The following FRMD1 variants were observed in gnomAD, a reference collection of about 807,000 sequenced individuals.
FRMD1 encodes FERM domain containing 1.
FRMD1 carries 51 observed loss-of-function variants against 54.9 expected under a neutral mutation model. The observed-to-expected ratio is 0.93, with a 90% CI of 0.74 to 1.17. FRMD1 has a LOEUF of 1.17. Among genes scored for constraint, FRMD1 ranks in the 50% most tolerant of loss-of-function variants. The pLI is 0.00. For missense variants in FRMD1, 729 were observed against 743.0 expected, an observed-to-expected ratio of 0.98 and a Z score of 0.22; for synonymous variants, 324 against 306.4, an observed-to-expected ratio of 1.06 and a Z score of -0.60.
chr6:168,081,080 C>A (rs760882582), upstream of FRMD1, among the ~76,000 whole-genome samples: 1 of 152,198 alleles, frequency 6.6e-6, no homozygotes, highest in Non-Finnish European at 1.5e-5. Context: ...AGGGCCACAC[C>A]GTTGAGGTTC....
At chr6:168,062,821 A>G (rs1799821535) in intron 7 of FRMD1, 73 bp downstream of exon 7, 5 of 1,604,262 alleles carry the variant, frequency 3.1e-6, no homozygotes. Context: ...CACAGCCCAG[A>G]CTCCAGTGGG....
intron 1 of FRMD1, chr6:168,075,799 A>G: frequency 6.5e-7 from 1 of 1,550,234 alleles, no homozygotes; most frequent in Non-Finnish European, 8.7e-7. Flanking sequence ...TGAGCCTCTC[A>G]CGGCAGCCTC....
At position 168,056,209 on chromosome 6, in the gene FRMD1, A is replaced by C. The variant is rs1799393847; in HGVS notation, c.*888T>G. ...CCTGGTGGCCTTCCAGAGCCCACAGAACCGAGGTCGCACTACCCGTGGAGC... is the reference window on the plus strand; with the variant it reads ...CCTGGTGGCCTTCCAGAGCCCACAGCACCGAGGTCGCACTACCCGTGGAGC... On this transcript the variant is annotated 3_prime_UTR_variant, in exon 11 of 11. Transcript: ENST00000283309. 1 of 152,446 alleles carries C rather than the reference A, an allele frequency of 6.6e-6. No homozygotes were observed. The highest frequency in any genetic ancestry group is 1.5e-5 in the Non-Finnish European group (1 of 68,208). The allele number at this position is 152,446 out of a possible 1,614,324, so 9.4% of individuals were successfully genotyped here.
upstream of FRMD1, among the ~76,000 whole-genome samples, chr6:168,080,178 C>T (rs1005570086): frequency 1.1e-4 from 16 of 152,046 alleles, no homozygotes; most frequent in South Asian, 1.2e-3. Flanking sequence ...TTAGGAAATT[C>T]GCACTCCAGC....
At position 168,075,327 on chromosome 6, in the gene FRMD1, A is replaced by G; in HGVS notation, c.222T>C (p.Ala74=). 1 of 1,612,782 alleles carries G rather than the reference A, an allele frequency of 6.2e-7. No homozygotes were observed. Among genetic ancestry groups the G allele is most frequent in the Non-Finnish European group, 8.5e-7 (1 of 1,179,936 alleles). ...CTTGCTGGAAAAGCTCGCGGCCAGT[A>G]GCCTTCACCTGCAAAAGAGGTGGGG... The part of the protein sequence containing the change: ...EQLRLAVGVK[A]TGRELFQQVC... Residue 74 remains alanine, a synonymous_variant, in exon 2 of 11, where the codon GCT becomes GCC. Coordinates refer to ENST00000283309, the MANE Select transcript of FRMD1 (RefSeq NM_024919.6).
At chr6:168,078,543 C>CAGCCG (rs1800693338) in intron 1 of FRMD1, among the ~76,000 whole-genome samples, 1 of 148,106 alleles carries the variant, frequency 6.8e-6, no homozygotes, top group East Asian at 2.0e-4. Context: ...CCCCCACGGC[C>CAGCCG]CTGCTCACCC....
At position 168,065,251 on chromosome 6, in the gene FRMD1, G is replaced by A. The variant is rs41266309; in HGVS notation, c.462-194C>T. The A allele has an allele frequency of 2.5e-4, 330 of 1,341,054 alleles. 1 individual carries two copies. Among genetic ancestry groups the A allele is most frequent in the Non-Finnish European group, 2.9e-4 (309 of 1,048,886 alleles). The allele number at this position is 1,341,054 out of a possible 1,614,324, so 83.1% of individuals were successfully genotyped here. On this transcript the variant is annotated intron_variant, in intron 4 of 10. Transcript: ENST00000283309. Reference sequence around the variant, plus strand: ...CACAGGCCCACACTCTTCCTGGAGCGGGGCACAGGTGACTTGCTGCCACCA... The same window carrying A: ...CACAGGCCCACACTCTTCCTGGAGCAGGGCACAGGTGACTTGCTGCCACCA...
chr6:168,062,803 G>A (rs902008540), intron 7 of FRMD1, 91 bp downstream of exon 7: 3 of 1,605,964 alleles, frequency 1.9e-6, no homozygotes, highest in African/African-American at 2.7e-5. Context: ...ACCGCTGCAG[G>A]GATGCTACAC....
intron 2 of FRMD1, among the ~76,000 whole-genome samples, chr6:168,069,073 G>C (rs1303536068): frequency 6.6e-6 from 1 of 152,196 alleles, no homozygotes; most frequent in East Asian, 1.9e-4. Context: ...TTAGACACTG[G>C]GTGCCATGCT....
At chr6:168,066,531 A>T (rs532193614) in intron 4 of FRMD1, 1 of 1,283,698 alleles carries the variant, frequency 7.8e-7, no homozygotes, top group African/African-American at 1.5e-5. Context: ...AAAGAAAAAG[A>T]AAAGAAAAAG....
intron 10 of FRMD1, among the ~76,000 whole-genome samples, 153 bp downstream of exon 10, chr6:168,058,971 C>T (rs535699388): frequency 1.3e-5 from 2 of 152,330 alleles, no homozygotes; most frequent in East Asian, 3.9e-4. Context: ...GAGAGCCTTG[C>T]TGCTCCCTGA....
chr6:168,067,741 C>T (rs1583186803), intron 2 of FRMD1, among the ~76,000 whole-genome samples: 1 of 152,244 alleles, frequency 6.6e-6, no homozygotes, highest in South Asian at 2.1e-4. Flanking sequence ...AGCAACTTAG[C>T]AACATGTATC....
chr6:168,065,531 A>G, intron 4 of FRMD1: 1 of 988,304 alleles, frequency 1.0e-6, no homozygotes, highest in Non-Finnish European at 1.2e-6. Flanking sequence ...CTCGCCCAAG[A>G]TGCAGGTGCA....
chr6:168,091,160 G>A (rs149059122), intron 1 of FRMD1, among the ~76,000 whole-genome samples: 2 of 152,208 alleles, frequency 1.3e-5, no homozygotes, highest in African/African-American at 4.8e-5. Flanking sequence ...CCTTCTTCCT[G>A]GTTCCACCCA....
intron 2 of FRMD1, among the ~76,000 whole-genome samples, chr6:168,072,632 A>G (rs1199371547): frequency 6.6e-6 from 1 of 152,198 alleles, no homozygotes; most frequent in African/African-American, 2.4e-5. Flanking sequence ...CATGATGCAC[A>G]ACCAAAGCGA....
chr6:168,074,129 G>A (rs537271624), intron 2 of FRMD1, among the ~76,000 whole-genome samples: 1 of 152,174 alleles, frequency 6.6e-6, no homozygotes, highest in South Asian at 2.1e-4. Flanking sequence ...ACTTCCTGGG[G>A]CAGCAAAAAG....
intron 10 of FRMD1, among the ~76,000 whole-genome samples, chr6:168,058,833 C>T (rs1011401968): frequency 1.3e-5 from 2 of 152,128 alleles, no homozygotes; most frequent in Non-Finnish European, 2.9e-5. Flanking sequence ...GTCCTGCCTA[C>T]AGTGGCCCGG....
At chr6:168,071,801 C>T (rs1026512982) in intron 2 of FRMD1, among the ~76,000 whole-genome samples, 2 of 152,218 alleles carry the variant, frequency 1.3e-5, no homozygotes, top group South Asian at 4.1e-4. Context: ...CCTGCCTGGC[C>T]GCCAGTGGGA....
intron 2 of FRMD1, among the ~76,000 whole-genome samples, chr6:168,072,865 T>G (rs988150245): frequency 6.6e-6 from 1 of 152,118 alleles, no homozygotes; most frequent in African/African-American, 2.4e-5. Flanking sequence ...CAAAACCGAA[T>G]AGCAAAACTG....
Sources: gnomAD v4.1 joint callset for allele counts (sites outside exome capture counted in the v4.1 genomes callset) on GRCh38, gnomAD v4.1.1 for gene constraint, MANE v1.5 for transcripts, NCBI Gene and HGNC (gene_info 2026-07-23, HGNC 2026-07-21) for gene names.